Variants in SPTBN5 observed in about 807,000 individuals in gnomAD.
SPTBN5 encodes spectrin beta chain, non-erythrocytic 5.
A neutral mutation model predicts 477.6 loss-of-function variants in SPTBN5; 513 were observed. The observed-to-expected ratio is 1.07, with a 90% CI of 1.00 to 1.16. SPTBN5 has a LOEUF of 1.16. Among genes scored for constraint, SPTBN5 ranks in the 50% most tolerant of loss-of-function variants. The pLI is 0.00. For synonymous variants in SPTBN5, 2,169 were observed against 2,011.7 expected (o/e 1.08, Z -2.09); for missense variants, 5,062 against 4,731.8 (o/e 1.07, Z -2.05).
chr15:41,870,478 T>C lies in SPTBN5; in HGVS notation c.5530A>G (p.Arg1844Gly). 6.2e-7 allele frequency: 1 copy of C among 1,613,534 alleles called. No individual in the cohort carries two copies. Among genetic ancestry groups the C allele is most frequent in the Non-Finnish European group, 8.5e-7 (1 of 1,179,786 alleles). Residue 1844 changes from arginine (R) to glycine (G), a missense_variant, in exon 30 of 68, where the codon AGA becomes GGA. Arg to Gly is a moderately radical substitution (Grantham distance 125). Coordinates refer to ENST00000320955, the MANE Select transcript of SPTBN5 (RefSeq NM_016642.4). ...TGGGTGAGGACTTCCAAGAGATCTC[T>C]GTGAACTCTGAGGGTGGTCTCGGTG... ...RDTETTLRVH[R>G]DLLEVLTQVQ...
rs1595521991 is a variant in SPTBN5, at chr15:41,892,747, C to T, written c.384+147G>A. On this transcript the variant is annotated intron_variant, in intron 3 of 67. Transcript: ENST00000320955. The stretch of plus-strand genomic sequence containing the variant: ...TGCGAGGAGGGCGTGGCTTCTGCTC[C>T]TCTGTGTCCCAGCCACTCCTCCTGT... 2.0e-5 allele frequency: 18 copies of T among 916,486 alleles called. No homozygotes were observed. In the East Asian group the frequency reaches 5.0e-4, roughly 25 times the overall value. The allele number at this position is 916,486 out of a possible 1,614,324, so 56.8% of individuals were successfully genotyped here.
chr15:41,862,739 G>A, intron 42 of SPTBN5, 51 bp downstream of exon 42: 2 of 1,544,756 alleles, frequency 1.3e-6, no homozygotes, highest in Non-Finnish European at 1.7e-6. Flanking sequence ...CTTGTGCCCA[G>A]GGTCCTACTC....
intron 15 of SPTBN5, 105 bp downstream of exon 15, chr15:41,879,629 C>T (rs2066878815): frequency 3.8e-6 from 6 of 1,577,554 alleles, no homozygotes; most frequent in Non-Finnish European, 5.2e-6. Context: ...GTGCCTCGGA[C>T]ACGTCCAGCC....
Position 41,852,276 on chromosome 15 carries a change from G to C in SPTBN5, c.10490C>G (p.Pro3497Arg). The change falls in exon 62 of 68, where the codon CCC (proline) becomes CGC (arginine). Residue 3497 changes from proline to arginine, a missense_variant. By Grantham distance (103) the Pro-to-Arg change is moderately radical. Coordinates refer to ENST00000320955, the MANE Select transcript of SPTBN5 (RefSeq NM_016642.4). ...ELLLQPQELK[P>R]GRAGSSLTSF... ...TGTCAGCGAGCTGCCAGCTCTCCCGGGCTTCAGCTCCTGTGGCTGCAGCAG... is the reference window on the plus strand; with the variant it reads ...TGTCAGCGAGCTGCCAGCTCTCCCGCGCTTCAGCTCCTGTGGCTGCAGCAG... The C allele has an allele frequency of 6.2e-7, 1 of 1,604,044 alleles. No homozygotes were observed. Among genetic ancestry groups the C allele is most frequent in the Non-Finnish European group, 8.5e-7 (1 of 1,175,336 alleles).
At position 41,858,632 on chromosome 15, in the gene SPTBN5, C is replaced by G; in HGVS notation, c.8196G>C (p.Ala2732=). 6.2e-7 allele frequency: 1 copy of G among 1,611,446 alleles called. No individual in the cohort carries two copies. Among genetic ancestry groups the G allele is most frequent in the African/African-American group, 1.3e-5 (1 of 75,052 alleles). Residue 2732 remains alanine, a synonymous_variant, in exon 49 of 68, where the codon GCG becomes GCC. Transcript: ENST00000320955. ...KQQNFQAELD[A]SMHQQQELQR... Reference sequence around the variant, plus strand: ...GCAGCTCCTGCTGTTGGTGCATGCTCGCGTCCAGCTCCGCCTGGAAATTCT... The same window carrying G: ...GCAGCTCCTGCTGTTGGTGCATGCTGGCGTCCAGCTCCGCCTGGAAATTCT...
chr15:41,883,513 C>A (rs780620436), intron 7 of SPTBN5, 27 bp from the exon 8 acceptor site: 1 of 1,609,240 alleles, frequency 6.2e-7, no homozygotes, highest in Non-Finnish European at 8.5e-7. Context: ...TAAGGGAGAT[C>A]TCCTCTGGGT....
intron 47 of SPTBN5, among the ~76,000 whole-genome samples, chr15:41,859,205 C>G (rs1036420287): frequency 6.6e-6 from 1 of 152,190 alleles, no homozygotes; most frequent in Admixed American, 6.5e-5. Flanking sequence ...GTCACCCAGG[C>G]TGGAGTGCAG....
intron 61 of SPTBN5, 93 bp from the exon 62 acceptor site, chr15:41,852,409 C>G (rs1165649012): frequency 1.4e-6 from 2 of 1,464,690 alleles, no homozygotes; most frequent in Non-Finnish European, 1.8e-6. Flanking sequence ...CCAGCCCTCC[C>G]GGTCAGAGGG....
Position 41,853,700 on chromosome 15 carries a change from C to T in SPTBN5, c.9862G>A (p.Gly3288Ser), listed in dbSNP as rs1437336207. Residue 3288 changes from glycine (G) to serine (S), a missense_variant, in exon 58 of 68, where the codon GGC becomes AGC. Coordinates refer to ENST00000320955, the MANE Select transcript of SPTBN5 (RefSeq NM_016642.4). Reference sequence around the variant, plus strand: ...CAGGCCTCCTGCACCTTGGCCAGGCCCCCCGGAGCTGCAGGATGTAGCTGG... The same window carrying T: ...CAGGCCTCCTGCACCTTGGCCAGGCTCCCCGGAGCTGCAGGATGTAGCTGG... ...LGQLHPAAPG[G>S]LAKVQEAWAT... 4 of 1,598,532 alleles carry T rather than the reference C, an allele frequency of 2.5e-6. No homozygotes were observed. Among genetic ancestry groups the T allele is most frequent in the African/African-American group, 1.3e-5 (1 of 74,890 alleles).
rs765440738 is a variant in SPTBN5, at chr15:41,881,928, G to A, written c.2457+8C>T. 30 of 1,527,032 alleles carry A rather than the reference G, an allele frequency of 2.0e-5. No individual in the cohort carries two copies. The African/African-American group carries it at 4.0e-4, about 20-fold the overall frequency. The allele number at this position is 1,527,032 out of a possible 1,614,324, so 94.6% of individuals were successfully genotyped here. A position where few individuals can be genotyped will look rare whatever the true frequency, so the allele number is the denominator to read the frequency against. On this transcript the variant is annotated splice_region_variant and intron_variant, in intron 12 of 67. Transcript: ENST00000320955. ...AGACCAGGCGCCCTTCCCTGTCCCC[G>A]TCCTCACCGTGAATAACGACGCCCG...
Position 41,874,276 on chromosome 15 carries a change from A to G in SPTBN5, c.4689+16T>C, listed in dbSNP as rs762679369. ...AGCGGATGTCGGTAATCCTGTAGGA[A>G]GAAGAGGGCTATTACCTTGTGCTTG... On this transcript the variant is annotated intron_variant, in intron 24 of 67. Coordinates refer to ENST00000320955, the MANE Select transcript of SPTBN5 (RefSeq NM_016642.4). 3.8e-6 allele frequency: 6 copies of G among 1,597,530 alleles called. No homozygotes were observed. The highest frequency in any genetic ancestry group is 3.4e-6 in the Non-Finnish European group (4 of 1,170,354).
chr15:41,854,742 T>A lies in SPTBN5; in HGVS notation c.9618+40A>T, dbSNP rs769850661. On this transcript the variant is annotated intron_variant, in intron 56 of 67. Coordinates refer to ENST00000320955, the MANE Select transcript of SPTBN5 (RefSeq NM_016642.4). ...GGGCTTAGAGGGATTTTTTGAAGACTCTGACACCCCTTAGCTTGGCCCGGC... is the reference window on the plus strand; with the variant it reads ...GGGCTTAGAGGGATTTTTTGAAGACACTGACACCCCTTAGCTTGGCCCGGC... The A allele has an allele frequency of 8.2e-6, 12 of 1,463,722 alleles. No homozygotes were observed. The African/African-American group carries it at 1.1e-4, about 14-fold the overall frequency. 90.7% of individuals were successfully genotyped at this position (1,463,722 alleles called of 1,614,324 possible). A position where few individuals can be genotyped will look rare whatever the true frequency, so the allele number is the denominator to read the frequency against.
At chr15:41,848,768 TGACA>T (rs2065642801) in intron 67 of SPTBN5, 140 bp from the exon 68 acceptor site, 1 of 1,008,178 alleles carries the variant, frequency 9.9e-7, no homozygotes, top group African/African-American at 1.6e-5. Flanking sequence ...CAGAGCTGAC[TGACA>T]GGCGCTGCAG....
At chr15:41,859,062 A>G (rs76501543) in intron 47 of SPTBN5, 82 bp from the exon 48 acceptor site, 4 of 1,085,772 alleles carry the variant, frequency 3.7e-6, no homozygotes, top group Admixed American at 6.4e-5. Flanking sequence ...TTTCTCGGGT[A>G]TGAATATACT....
intron 67 of SPTBN5, among the ~76,000 whole-genome samples, chr15:41,849,217 G>A (rs2140904789): frequency 6.6e-6 from 1 of 152,360 alleles, no homozygotes; most frequent in East Asian, 1.9e-4. Flanking sequence ...TGGAAGGGAA[G>A]GAGATGTGGG....
At chr15:41,848,717 T>C in intron 67 of SPTBN5, 89 bp from the exon 68 acceptor site, 1 of 1,472,078 alleles carries the variant, frequency 6.8e-7, no homozygotes, top group South Asian at 1.1e-5. Flanking sequence ...TGCCCTCCCC[T>C]GGACCAGCCA....
rs767483830 is a variant in SPTBN5 at position 41,881,112 on chromosome 15, A to T, written c.2580T>A (p.Pro860=). ...GGAGTATAGTGTTGGGATCAAAGTC[A>T]GGGTCAGGCTCAGCTGGGAGGGCCA... The part of the protein sequence containing the change: ...WKMALPAEPD[P]DFDPNTILQT... Residue 860 remains proline, a synonymous_variant, in exon 13 of 68, where the codon CCT becomes CCA. Coordinates refer to ENST00000320955, the MANE Select transcript of SPTBN5 (RefSeq NM_016642.4). The T allele has an allele frequency of 6.2e-7, 1 of 1,613,392 alleles. No individual in the cohort carries two copies. Among genetic ancestry groups the T allele is most frequent in the South Asian group, 1.1e-5 (1 of 90,976 alleles).
Position 41,861,869 on chromosome 15 carries a change from G to A in SPTBN5, c.7603C>T (p.Gln2535Ter), listed in dbSNP as rs767761057. The change falls in exon 45 of 68, where the codon CAA (glutamine) becomes TAA (stop). Residue 2535 changes from glutamine (Q) to a stop codon, truncating the protein, a stop_gained. Transcript: ENST00000320955. LOFTEE classifies it high-confidence loss of function. The stretch of plus-strand genomic sequence containing the variant: ...AAGGGGTGCCCCGCTGTGAGCAGTT[G>A]CTGCCCAGTGCTTCGGGCCAGGCTG... Reference protein sequence around the residue: ...SISLARSTGQQLLTAGHPFSS... With the variant: ...SISLARSTGQ 4 of 1,608,324 alleles carry A rather than the reference G, an allele frequency of 2.5e-6. No homozygotes were observed. In the African/African-American group the frequency reaches 5.3e-5, roughly 21 times the overall value.
intron 67 of SPTBN5, 54 bp from the exon 68 acceptor site, chr15:41,848,682 C>CCAAA (rs971383384): frequency 1.4e-5 from 22 of 1,604,614 alleles, no homozygotes; most frequent in Middle Eastern, 1.7e-4. Flanking sequence ...AGAATCTTCT[C>CCAAA]CAAACAAACA....
Sources: gnomAD v4.1 joint callset for allele counts (sites outside exome capture counted in the v4.1 genomes callset) on GRCh38, gnomAD v4.1.1 for gene constraint, MANE v1.5 for transcripts, NCBI Gene and HGNC (gene_info 2026-07-23, HGNC 2026-07-21) for gene names.